Variants in EPHA5 observed in about 807,000 individuals in gnomAD.
EPHA5 encodes the protein ephrin type-A receptor 5.
Under a neutral mutation model 105.0 loss-of-function variants are expected in EPHA5, and 60 were observed. The observed-to-expected ratio is 0.57, with a 90% CI of 0.46 to 0.71. The LOEUF (loss-of-function observed/expected upper bound fraction) is 0.71, where lower values mean the gene tolerates loss of function less well. Among genes scored for constraint, EPHA5 ranks in the 30% least tolerant of loss-of-function variants. The pLI, the probability that EPHA5 is intolerant of heterozygous loss-of-function variation, is 0.00. For missense variants in EPHA5, 1,218 were observed against 1,274.7 expected (o/e 0.96, Z 0.68); for synonymous variants, 513 against 449.1 (o/e 1.14, Z -1.80).
intron 3 of EPHA5, among the ~76,000 whole-genome samples, chr4:65,522,316 G>GTGTATA (rs777066757): frequency 2.8e-5 from 4 of 142,860 alleles, no homozygotes; most frequent in Non-Finnish European, 6.0e-5. Flanking sequence ...ATATATATAT[G>GTGTATA]TATATATATA....
At chr4:65,347,847 T>C (rs1406832314) in intron 14 of EPHA5, among the ~76,000 whole-genome samples, 1 of 152,208 alleles carries the variant, frequency 6.6e-6, no homozygotes, top group East Asian at 1.9e-4. Flanking sequence ...TGAGTTTTTA[T>C]ATAACTGTAA....
intron 5 of EPHA5, among the ~76,000 whole-genome samples, chr4:65,468,605 A>ATATATTATATATATAT (rs1491429437): frequency 8.0e-4 from 1 of 1,250 alleles, no homozygotes; most frequent in Non-Finnish European, 3.2e-3. Flanking sequence ...TATATATATT[A>ATATATTATATATATAT]TATATATTAT....
chr4:65,350,215 AAAT>A (rs1172208039), intron 13 of EPHA5, among the ~76,000 whole-genome samples: 3 of 152,134 alleles, frequency 2.0e-5, no homozygotes, highest in Non-Finnish European at 1.5e-5. Flanking sequence ...CATGTAATGA[AAAT>A]AATGACACTG....
intron 13 of EPHA5, among the ~76,000 whole-genome samples, chr4:65,349,418 T>A (rs1021072311): frequency 6.6e-6 from 1 of 152,124 alleles, no homozygotes; most frequent in African/African-American, 2.4e-5. Context: ...ATTATTCTCT[T>A]AGCTTCAATA....
chr4:65,612,498 T>C (rs1341273788), intron 2 of EPHA5, among the ~76,000 whole-genome samples: 1 of 152,170 alleles, frequency 6.6e-6, no homozygotes, highest in Admixed American at 6.5e-5. Flanking sequence ...CAAAAGACAT[T>C]ACTTCATTCT....
intron 2 of EPHA5, among the ~76,000 whole-genome samples, chr4:65,622,085 C>A (rs567960805): frequency 6.6e-6 from 1 of 152,048 alleles, no homozygotes; most frequent in South Asian, 2.1e-4. Context: ...TTAGTCAGGC[C>A]CAACTTGCTC....
At chr4:65,662,026 T>G (rs1749598165) in intron 1 of EPHA5, among the ~76,000 whole-genome samples, 1 of 152,094 alleles carries the variant, frequency 6.6e-6, no homozygotes, top group Non-Finnish European at 1.5e-5. Context: ...AAATCTTGAC[T>G]TCCTTGAGGG....
Position 65,622,021 on chromosome 4 carries a change from GAAGTTT to G in EPHA5, c.247-19723_247-19718del, listed in dbSNP as rs377423290. Among the ~76,000 whole-genome samples the G allele has an allele frequency of 1.6e-4, 25 of 152,204 alleles. No homozygotes were observed. The East Asian group carries it at 3.9e-3, about 24-fold the overall frequency. On this transcript the variant is annotated intron_variant, in intron 2 of 16. Coordinates refer to ENST00000613740, the MANE Select transcript of EPHA5 (RefSeq NM_001281766.3). ...ATTTTCACTTAGATTCTATTTGGCT[GAAGTTT>G]AAGTAGTATGATTAAAACTTCGAAG...
intron 4 of EPHA5, among the ~76,000 whole-genome samples, chr4:65,492,244 C>T (rs1045562527): frequency 1.1e-4 from 17 of 151,994 alleles, no homozygotes; most frequent in African/African-American, 3.4e-4. Flanking sequence ...CTCTGTCGCC[C>T]GGGCTGAAAT....
At chr4:65,614,896 CTAA>C in intron 2 of EPHA5, among the ~76,000 whole-genome samples, 1 of 151,636 alleles carries the variant, frequency 6.6e-6, no homozygotes, top group East Asian at 1.9e-4. Flanking sequence ...AAAGAAAGTA[CTAA>C]TGTCATCAAC....
chr4:65,623,477 C>G (rs530337767), intron 2 of EPHA5, among the ~76,000 whole-genome samples: 1 of 152,170 alleles, frequency 6.6e-6, no homozygotes, highest in African/African-American at 2.4e-5. Context: ...ACCTAATACA[C>G]TATCATAAGA....
intron 14 of EPHA5, among the ~76,000 whole-genome samples, chr4:65,338,681 T>C (rs1721415812): frequency 6.6e-6 from 1 of 152,194 alleles, no homozygotes; most frequent in Admixed American, 6.5e-5. Context: ...TGAAATTTAA[T>C]TCTAAATTAA....
At chr4:65,421,242 C>T (rs571448439) in intron 5 of EPHA5, among the ~76,000 whole-genome samples, 5 of 151,894 alleles carry the variant, frequency 3.3e-5, no homozygotes, top group Non-Finnish European at 4.4e-5. Flanking sequence ...TCTGCTCTTT[C>T]GGGTATGTCT....
chr4:65,455,688 G>A (rs1727510611), intron 5 of EPHA5, among the ~76,000 whole-genome samples: 1 of 151,940 alleles, frequency 6.6e-6, no homozygotes, highest in African/African-American at 2.4e-5. Flanking sequence ...ACTATGTAAT[G>A]ACAAATGTGA....
intron 15 of EPHA5, among the ~76,000 whole-genome samples, chr4:65,333,510 T>C (rs1481173209): frequency 6.8e-6 from 1 of 146,492 alleles, no homozygotes; most frequent in African/African-American, 2.5e-5. Flanking sequence ...AAATCACAAT[T>C]GTGTGCGTGT....
At chr4:65,390,940 G>A (rs1212989015) in intron 8 of EPHA5, among the ~76,000 whole-genome samples, 1 of 152,004 alleles carries the variant, frequency 6.6e-6, no homozygotes, top group Non-Finnish European at 1.5e-5. Context: ...AGAACTGCTG[G>A]AGACCGGGTA....
chr4:65,329,822 T>A (rs1470356809), intron 16 of EPHA5, among the ~76,000 whole-genome samples: 1 of 151,104 alleles, frequency 6.6e-6, no homozygotes, highest in Non-Finnish European at 1.5e-5. Flanking sequence ...TTTTTTTTTT[T>A]TTTGGAAGAA....
At chr4:65,439,814 G>C (rs895910055) in intron 5 of EPHA5, among the ~76,000 whole-genome samples, 2 of 152,024 alleles carry the variant, frequency 1.3e-5, no homozygotes, top group African/African-American at 4.8e-5. Context: ...TTACCGAAAG[G>C]AAAGCCGAAT....
At chr4:65,531,086 G>A (rs1365452133) in intron 3 of EPHA5, among the ~76,000 whole-genome samples, 1 of 149,436 alleles carries the variant, frequency 6.7e-6, no homozygotes, top group East Asian at 2.0e-4. Flanking sequence ...GCCGGACTGC[G>A]GACTGCAGTG....
Sources: allele counts gnomAD v4.1 joint callset (sites outside exome capture counted in the v4.1 genomes callset), GRCh38; gene constraint gnomAD v4.1.1; transcripts MANE v1.5; gene names NCBI Gene and HGNC (gene_info 2026-07-23, HGNC 2026-07-21).